CHRNG: variants seen among roughly 807,000 people sequenced by gnomAD.
CHRNG encodes cholinergic receptor nicotinic gamma subunit, also known as acetylcholine receptor subunit gamma.
In CHRNG, 72 loss-of-function variants were observed where a neutral mutation model predicts 65.2. The observed-to-expected ratio is 1.10, with a 90% CI of 0.91 to 1.34. CHRNG has a LOEUF of 1.34. Among genes scored for constraint, CHRNG ranks in the 40% most tolerant of loss-of-function variants. The pLI is 0.00. For synonymous variants in CHRNG, 284 were observed against 290.2 expected, an observed-to-expected ratio of 0.98 and a Z score of 0.22; for missense variants, 637 against 680.1, an observed-to-expected ratio of 0.94 and a Z score of 0.70.
chr2:232,545,052 T>C (rs1347127036), intron 11 of CHRNG, 150 bp downstream of exon 11: 2 of 1,017,170 alleles, frequency 2.0e-6, no homozygotes, highest in Non-Finnish European at 3.0e-6. Context: ...ATCCCAGTAC[T>C]TTGGGAGGCC....
rs763132076 is a variant in CHRNG, at chr2:232,544,533, A to G, written c.1202A>G (p.Gln401Arg). Residue 401 changes from glutamine to arginine, a missense_variant, in exon 10 of 12, where the codon CAG (glutamine) becomes CGG (arginine). Transcript: ENST00000651502. ...CTGCCTCGCAGTGAACTCCTCTTCC[A>G]GCAGTGGCAGCGGCAAGGGCTGGTG... ...LCLPRSELLF[Q>R]QWQRQGLVAA... 1.4e-5 allele frequency: 22 copies of G among 1,613,806 alleles called. No individual in the cohort carries two copies. In the South Asian group the frequency reaches 2.3e-4, roughly 17 times the overall value.
intron 9 of CHRNG, 32 bp downstream of exon 9, chr2:232,543,731 C>G: frequency 7.6e-7 from 1 of 1,308,714 alleles, no homozygotes; most frequent in Non-Finnish European, 1.1e-6. Flanking sequence ...TTCAACATCC[C>G]GCTGCCCACT....
At chr2:232,542,756 C>T in intron 6 of CHRNG, 126 bp from the exon 7 acceptor site, 1 of 844,678 alleles carries the variant, frequency 1.2e-6, no homozygotes, top group Non-Finnish European at 1.9e-6. Flanking sequence ...TTCTGTCCCT[C>T]AAGGGTGCCT....
Position 232,544,819 on chromosome 2 carries a change from C to G in CHRNG, c.1297C>G (p.Gln433Glu). The G allele has an allele frequency of 1.9e-6, 3 of 1,613,630 alleles. No homozygotes were observed. Among genetic ancestry groups the G allele is most frequent in the Non-Finnish European group, 2.5e-6 (3 of 1,179,936 alleles). The part of the protein sequence containing the change: ...GLSQFCGSLK[Q>E]AAPAIQACVE... The stretch of plus-strand genomic sequence containing the variant: ...GAGCCAGTTCTGTGGCAGCCTGAAG[C>G]AGGCTGCCCCAGCCATCCAGGCCTG... The change falls in exon 11 of 12, where the codon CAG becomes GAG. Residue 433 changes from glutamine (Q) to glutamate (E), a missense_variant. Transcript: ENST00000651502.
In CHRNG at chr2:232,541,371, C is replaced by T; in HGVS notation, c.351-3C>T. 6.2e-7 allele frequency: 1 copy of T among 1,614,062 alleles called. No individual in the cohort carries two copies. The highest frequency in any genetic ancestry group is 8.5e-7 in the Non-Finnish European group (1 of 1,179,974). On this transcript the variant is annotated splice_polypyrimidine_tract_variant and splice_region_variant and intron_variant, in intron 4 of 11. Transcript: ENST00000651502. This position sits in a 1 kb window ranked among gnomAD's most constrained non-coding sequence, Gnocchi z 4.0. ...CGTGGCCTGGCCTGTTCTGTGCATA[C>T]AGCGTGGACGGTGTCTTCGAGGTGG...
At chr2:232,544,960 T>C in intron 11 of CHRNG, 58 bp downstream of exon 11, 5 of 1,609,064 alleles carry the variant, frequency 3.1e-6, no homozygotes, top group Non-Finnish European at 4.2e-6. Context: ...GGAACCGTGA[T>C]AGAGACAGGA....
In CHRNG at chr2:232,543,679, A is replaced by G. The variant is rs759353019; in HGVS notation, c.1015A>G (p.Met339Val). The G allele has an allele frequency of 1.2e-6, 2 of 1,610,718 alleles. No homozygotes were observed. The highest frequency in any genetic ancestry group is 1.1e-5 in the South Asian group (1 of 90,984). Residue 339 changes from methionine to valine, a missense_variant, in exon 9 of 12, where the codon ATG (methionine) becomes GTG (valine). Met to Val is a conservative substitution (Grantham distance 21). Coordinates refer to ENST00000651502, the MANE Select transcript of CHRNG (RefSeq NM_005199.5). ...CTTGCGGTCTCCACACACACACTCC[A>G]TGGCCCGAGGGGTCCGCAAGGCAAG... ...VSLRSPHTHSMARGVRKVFLR... is the reference protein window; with the variant it reads ...VSLRSPHTHSVARGVRKVFLR...
At position 232,541,372 on chromosome 2, in the gene CHRNG, A is replaced by G. The variant is rs751234287; in HGVS notation, c.351-2A>G. On this transcript the variant is annotated splice_acceptor_variant, in intron 4 of 11. Transcript: ENST00000651502. LOFTEE classifies it high-confidence loss of function. This position sits in a 1 kb window ranked among gnomAD's most constrained non-coding sequence, Gnocchi z 4.0. ...GTGGCCTGGCCTGTTCTGTGCATACAGCGTGGACGGTGTCTTCGAGGTGGC... is the reference window on the plus strand; with the variant it reads ...GTGGCCTGGCCTGTTCTGTGCATACGGCGTGGACGGTGTCTTCGAGGTGGC... The G allele has an allele frequency of 3.1e-6, 5 of 1,613,906 alleles. No individual in the cohort carries two copies. Among genetic ancestry groups the G allele is most frequent in the Non-Finnish European group, 4.2e-6 (5 of 1,179,980 alleles).
Position 232,546,433 on chromosome 2 carries a change from A to G in CHRNG, c.*717A>G. 6.5e-6 allele frequency: 1 copy of G among 152,788 alleles called. No individual in the cohort carries two copies. Among genetic ancestry groups the G allele is most frequent in the Non-Finnish European group, 1.5e-5 (1 of 68,956 alleles). The allele number at this position is 152,788 out of a possible 1,614,324, so 9.5% of individuals were successfully genotyped here. A position where few individuals can be genotyped will look rare whatever the true frequency, so the allele number is the denominator to read the frequency against. The stretch of plus-strand genomic sequence containing the variant: ...CATGATCATGGCTCACTGCAGCCTC[A>G]ACCTCCAGGGCTCAAGCAATGCTCC... On this transcript the variant is annotated 3_prime_UTR_variant, in exon 12 of 12. Coordinates refer to ENST00000651502, the MANE Select transcript of CHRNG (RefSeq NM_005199.5).
Position 232,547,372 on chromosome 2 carries a change from C to T in CHRNG, c.*1656C>T, listed in dbSNP as rs990553669. On this transcript the variant is annotated 3_prime_UTR_variant, in exon 12 of 12. Coordinates refer to ENST00000651502, the MANE Select transcript of CHRNG (RefSeq NM_005199.5). ...GGTCTAGGCTGCAGTGAGCTGTGAT[C>T]ATGTGACTGCACTCCAGCCTGATGA... Among the ~76,000 whole-genome samples, 1 of 152,070 alleles carries T rather than the reference C, an allele frequency of 6.6e-6. No homozygotes were observed. The highest frequency in any genetic ancestry group is 2.4e-5 in the African/African-American group (1 of 41,390).
rs1692121585 is a variant in CHRNG, at chr2:232,545,764, ACT to A, written c.*49_*50del. On this transcript the variant is annotated 3_prime_UTR_variant, in exon 12 of 12. Transcript: ENST00000651502. ...TGTGGGAGTCACACACGTGGGTCAC[ACT>A]GAGTCTTATCAGCCACGTTCTCCTA... 5 of 1,599,890 alleles carry A rather than the reference ACT, an allele frequency of 3.1e-6. No individual in the cohort carries two copies. In the East Asian group the frequency reaches 1.1e-4, roughly 36 times the overall value.
At chr2:232,542,656 C>A in intron 6 of CHRNG, 136 bp downstream of exon 6, 1 of 743,576 alleles carries the variant, frequency 1.3e-6, no homozygotes. Context: ...ATAAAATATG[C>A]TTTTTAAAAC....
At position 232,547,402 on chromosome 2, in the gene CHRNG, G is replaced by A. The variant is rs1219211491; in HGVS notation, c.*1686G>A. Among the ~76,000 whole-genome samples, 1 of 152,110 alleles carries A rather than the reference G, an allele frequency of 6.6e-6. No individual in the cohort carries two copies. The highest frequency in any genetic ancestry group is 1.5e-5 in the Non-Finnish European group (1 of 68,026). On this transcript the variant is annotated 3_prime_UTR_variant, in exon 12 of 12. Transcript: ENST00000651502. ...GACTGCACTCCAGCCTGATGACACA[G>A]TAAGACCCTGTCTCAAAAAAAATAA...
rs1342443150 is a variant in CHRNG at position 232,547,127 on chromosome 2, C to T, written c.*1411C>T. On this transcript the variant is annotated 3_prime_UTR_variant, in exon 12 of 12. Transcript: ENST00000651502. Reference sequence around the variant, plus strand: ...GGTGCAAAAAATAATCCATTCCTGGCCAGGTGTGGTGGCTCACACCTGCAA... The same window carrying T: ...GGTGCAAAAAATAATCCATTCCTGGTCAGGTGTGGTGGCTCACACCTGCAA... Among the ~76,000 whole-genome samples, 1 of 152,196 alleles carries T rather than the reference C, an allele frequency of 6.6e-6. No individual in the cohort carries two copies. The highest frequency in any genetic ancestry group is 1.5e-5 in the Non-Finnish European group (1 of 68,032).
At chr2:232,542,557 C>T (rs765469759) in intron 6 of CHRNG, 37 bp downstream of exon 6, 121 of 1,409,480 alleles carry the variant, frequency 8.6e-5, no homozygotes, top group Non-Finnish European at 9.6e-5. Flanking sequence ...GCAGCCTCAT[C>T]CAGGGCTCCT....
In CHRNG at chr2:232,547,720, T is replaced by C. The variant is rs533403823; in HGVS notation, c.*2004T>C. On this transcript the variant is annotated 3_prime_UTR_variant, in exon 12 of 12. Coordinates refer to ENST00000651502, the MANE Select transcript of CHRNG (RefSeq NM_005199.5). ...AGGGAATCTGATGACAGTGGGGCCA[T>C]TTCCGGTTCCCACCAGCCCCTTACT... Among the ~76,000 whole-genome samples the C allele has an allele frequency of 2.0e-5, 3 of 152,324 alleles. No homozygotes were observed. The highest frequency in any genetic ancestry group is 4.1e-4 in the South Asian group (2 of 4,828).
Position 232,541,433 on chromosome 2 carries a change from G to A in CHRNG, c.410G>A (p.Cys137Tyr), listed in dbSNP as rs1692014866. The change falls in exon 5 of 12, where the codon TGT becomes TAT. Residue 137 changes from cysteine to tyrosine, a missense_variant. Physicochemically the swap from Cys to Tyr is radical, Grantham distance 194. Coordinates refer to ENST00000651502, the MANE Select transcript of CHRNG (RefSeq NM_005199.5). The surrounding 1 kb of genome is among the most constrained non-coding windows in gnomAD (Gnocchi z 4.0). ...YCNVLVSPDG[C>Y]IYWLPPAIFR... is the part of the protein sequence containing the mutation. The stretch of plus-strand genomic sequence containing the variant: ...AATGTGCTCGTGTCCCCTGACGGCT[G>A]TATCTACTGGCTGCCGCCTGCCATC... 13 of 1,614,026 alleles carry A rather than the reference G, an allele frequency of 8.1e-6. No individual in the cohort carries two copies. Among genetic ancestry groups the A allele is most frequent in the Non-Finnish European group, 9.3e-6 (11 of 1,179,992 alleles).
intron 8 of CHRNG, 58 bp downstream of exon 8, chr2:232,543,447 T>C (rs1268238288): frequency 1.5e-6 from 2 of 1,365,280 alleles, no homozygotes; most frequent in South Asian, 1.2e-5. Flanking sequence ...GGGAGCATGA[T>C]GGCCTCCTGC....
chr2:232,542,858 TCCTG>T lies in CHRNG; in HGVS notation c.605-9_605-6del, dbSNP rs752319888. ...CCTAGCTCACGCTTCTTGTGCCCAC[TCCTG>T]CCTGCCTGCCTGCCCGCAGAGAATG... On this transcript the variant is annotated intron_variant, in intron 6 of 11. Transcript: ENST00000651502. The T allele has an allele frequency of 7.3e-5, 117 of 1,600,370 alleles. No individual in the cohort carries two copies. The highest frequency in any genetic ancestry group is 3.3e-4 in the African/African-American group (24 of 72,514).
Sources: gnomAD v4.1 joint callset for allele counts (sites outside exome capture counted in the v4.1 genomes callset) on GRCh38, gnomAD v4.1.1 for gene constraint, Gnocchi (gnomAD v3.1) non-coding constraint, MANE v1.5 for transcripts, NCBI Gene and HGNC (gene_info 2026-07-23, HGNC 2026-07-21) for gene names.